TMEM18: variants seen among roughly 807,000 people sequenced by gnomAD.
The protein encoded by TMEM18 is transmembrane protein 18.
Under a neutral mutation model 17.4 loss-of-function variants are expected in TMEM18, and 14 were observed. The observed-to-expected ratio is 0.80, with a 90% CI of 0.53 to 1.25. The LOEUF (loss-of-function observed/expected upper bound fraction) is 1.25. Among genes scored for constraint, TMEM18 ranks in the 50% most tolerant of loss-of-function variants. The pLI, the probability that TMEM18 is intolerant of heterozygous loss-of-function variation, is 0.00. For synonymous variants in TMEM18, 86 were observed against 66.1 expected (o/e 1.30, Z -1.46); for missense variants, 187 against 172.1 (o/e 1.09, Z -0.48).
rs1210528726 is a variant in TMEM18 at position 669,873 on chromosome 2, A to G, written c.234-23T>C. On this transcript the variant is annotated intron_variant, in intron 3 of 4. Transcript: ENST00000281017. ...AATCTGTTTAAAAAACAAAAACAAA[A>G]AATTACTAGGCAATACAACCAAAAA... is the stretch of plus-strand genomic sequence containing the variant. 3 of 1,587,918 alleles carry G rather than the reference A, an allele frequency of 1.9e-6. No homozygotes were observed. The African/African-American group carries it at 4.1e-5, about 22-fold the overall frequency.
intron 1 of TMEM18, chr2:676,641 T>C: frequency 1.3e-6 from 2 of 1,549,920 alleles, no homozygotes; most frequent in Non-Finnish European, 1.7e-6. Flanking sequence ...AGTGCCCATG[T>C]CACCCCTTGG....
At position 665,402 on chromosome 2, in the gene TMEM18, C is replaced by T. The variant is rs1678657853; in HGVS notation, c.*4178G>A. On this transcript the variant is annotated 3_prime_UTR_variant, in exon 5 of 5. Coordinates refer to ENST00000281017, the MANE Select transcript of TMEM18 (RefSeq NM_152834.4). ...CCCAGAGATGCAGATGCCCCATTCACTCAGATAATCAACCCCACATACAAC... is the reference window on the plus strand; with the variant it reads ...CCCAGAGATGCAGATGCCCCATTCATTCAGATAATCAACCCCACATACAAC... Among the ~76,000 whole-genome samples the T allele has an allele frequency of 6.6e-6, 1 of 150,688 alleles. No homozygotes were observed. Among genetic ancestry groups the T allele is most frequent in the Admixed American group, 6.6e-5 (1 of 15,126 alleles).
chr2:666,036 C>T lies in TMEM18; in HGVS notation c.*3544G>A, dbSNP rs1271587081. On this transcript the variant is annotated 3_prime_UTR_variant, in exon 5 of 5. Transcript: ENST00000281017. The stretch of plus-strand genomic sequence containing the variant: ...AACCCCGAGATGCAGATGCTCAGCT[C>T]ACTGAGATGGAGCATCAACCCTACA... Among the ~76,000 whole-genome samples the T allele has an allele frequency of 6.6e-6, 1 of 152,100 alleles. No homozygotes were observed. Among genetic ancestry groups the T allele is most frequent in the Non-Finnish European group, 1.5e-5 (1 of 68,018 alleles).
rs1404243766 is a variant in TMEM18, at chr2:666,538, C to A, written c.*3042G>T. Among the ~76,000 whole-genome samples the A allele has an allele frequency of 2.0e-5, 3 of 152,178 alleles. No individual in the cohort carries two copies. Among genetic ancestry groups the A allele is most frequent in the East Asian group, 1.9e-4 (1 of 5,182 alleles). On this transcript the variant is annotated 3_prime_UTR_variant, in exon 5 of 5. Transcript: ENST00000281017. The stretch of plus-strand genomic sequence containing the variant: ...TGCTGTCAACTGTTCCAGCCCCACT[C>A]GGAACAAGCTGCCACCAACGCATGG...
At position 676,475 on chromosome 2, in the gene TMEM18, T is replaced by A. The variant is rs1164824340; in HGVS notation, c.57+814A>T. 36 of 1,186,388 alleles carry A rather than the reference T, an allele frequency of 3.0e-5. 7 individuals are homozygous for A. Among genetic ancestry groups the A allele is most frequent in the Non-Finnish European group, 3.9e-5 (35 of 895,006 alleles). 73.5% of individuals were successfully genotyped at this position (1,186,388 alleles called of 1,614,324 possible). A position where few individuals can be genotyped will look rare whatever the true frequency, so the allele number is the denominator to read the frequency against. ...GCAGCCCGGCACAGCCCTCCAGAAC[T>A]CCTGTGTCACTACTCTCTGCTGGGG... On this transcript the variant is annotated intron_variant, in intron 1 of 4. Coordinates refer to ENST00000281017, the MANE Select transcript of TMEM18 (RefSeq NM_152834.4).
At chr2:675,822 A>G (rs138308453) in intron 1 of TMEM18, 192 bp from the exon 2 acceptor site, 22 of 1,528,540 alleles carry the variant, frequency 1.4e-5, no homozygotes, top group Non-Finnish European at 1.8e-5. Flanking sequence ...AGAAGGAACC[A>G]GGAGGATGGA....
In TMEM18 at chr2:665,497, G is replaced by T. The variant is rs190918371; in HGVS notation, c.*4083C>A. Among the ~76,000 whole-genome samples, 6 of 149,396 alleles carry T rather than the reference G, an allele frequency of 4.0e-5. No individual in the cohort carries two copies. Among genetic ancestry groups the T allele is most frequent in the Non-Finnish European group, 8.9e-5 (6 of 67,672 alleles). ...AACTCCACATACAACAGGACCCAGA[G>T]ATGCAAACACCCCACTCACTCAGAC... On this transcript the variant is annotated 3_prime_UTR_variant, in exon 5 of 5. Coordinates refer to ENST00000281017, the MANE Select transcript of TMEM18 (RefSeq NM_152834.4).
chr2:677,233 C>T lies in TMEM18; in HGVS notation c.57+56G>A, dbSNP rs982225741. The T allele has an allele frequency of 5.1e-6, 8 of 1,571,322 alleles. No individual in the cohort carries two copies. In the African/African-American group the frequency reaches 1.1e-4, roughly 21 times the overall value. On this transcript the variant is annotated intron_variant, in intron 1 of 4. Coordinates refer to ENST00000281017, the MANE Select transcript of TMEM18 (RefSeq NM_152834.4). ...AGGCCGGGTGCTCTGTGGGGCCTAC[C>T]CTACGCCTCTCCGCCGTCCTCCCCC...
chr2:669,899 G>C, intron 3 of TMEM18, 49 bp from the exon 4 acceptor site: 1 of 1,424,140 alleles, frequency 7.0e-7, no homozygotes, highest in South Asian at 1.2e-5. Flanking sequence ...CAACCAAAAA[G>C]TTCTAGTGAC....
chr2:676,145 G>A, intron 1 of TMEM18: 2 of 1,328,710 alleles, frequency 1.5e-6, no homozygotes, highest in South Asian at 2.5e-5. Context: ...CCACGTGCAA[G>A]ACTTGATTTT....
chr2:677,390 G>A lies in TMEM18; in HGVS notation c.-45C>T. 1.2e-6 allele frequency: 2 copies of A among 1,601,268 alleles called. No individual in the cohort carries two copies. The highest frequency in any genetic ancestry group is 2.2e-5 in the East Asian group (1 of 44,512). ...TCACAGCAACCGCCGAACCCGGCCTGGCCAGAATCCACAGAGGAGGGCGCC... is the reference window on the plus strand; with the variant it reads ...TCACAGCAACCGCCGAACCCGGCCTAGCCAGAATCCACAGAGGAGGGCGCC... On this transcript the variant is annotated 5_prime_UTR_variant, in exon 1 of 5. Coordinates refer to ENST00000281017, the MANE Select transcript of TMEM18 (RefSeq NM_152834.4).
At chr2:677,111 A>G in intron 1 of TMEM18, 178 bp downstream of exon 1, 2 of 680,922 alleles carry the variant, frequency 2.9e-6, no homozygotes, top group South Asian at 1.9e-5. Context: ...CGCGCCCCCG[A>G]CGCCGGCCCC....
At chr2:672,735 T>G in intron 3 of TMEM18, 73 bp downstream of exon 3, 1 of 1,325,524 alleles carries the variant, frequency 7.5e-7, no homozygotes, top group South Asian at 1.9e-5. Context: ...CCTCCGCGAG[T>G]CCCACCGGCT....
intron 2 of TMEM18, among the ~76,000 whole-genome samples, chr2:675,244 C>T (rs1678967025): frequency 6.6e-6 from 1 of 152,216 alleles, no homozygotes. Context: ...TTCCGGAAAC[C>T]CAACTCTCCT....
At chr2:673,926 G>A (rs1016725657) in intron 2 of TMEM18, among the ~76,000 whole-genome samples, 3 of 152,014 alleles carry the variant, frequency 2.0e-5, no homozygotes, top group African/African-American at 7.2e-5. Context: ...TGGTAGGCAC[G>A]GGAGGAAGGC....
rs1678616456 is a variant in TMEM18, at chr2:664,242, GTTCTT to G, written c.*5333_*5337del. ...ACTTCACTGTTGTGAGGTTTTCACG[GTTCTT>G]CTCCGAGGGTCACTTGTCAGCTTGG... On this transcript the variant is annotated 3_prime_UTR_variant, in exon 5 of 5. Transcript: ENST00000281017. Among the ~76,000 whole-genome samples the G allele has an allele frequency of 6.6e-6, 1 of 152,210 alleles. No homozygotes were observed. Among genetic ancestry groups the G allele is most frequent in the South Asian group, 2.1e-4 (1 of 4,824 alleles).
At chr2:672,373 T>A (rs1475193849) in intron 3 of TMEM18, among the ~76,000 whole-genome samples, 2 of 151,962 alleles carry the variant, frequency 1.3e-5, no homozygotes, top group South Asian at 2.1e-4. Context: ...GACATCAGGA[T>A]GTGGGGCTGG....
At position 668,491 on chromosome 2, in the gene TMEM18, T is replaced by C. The variant is rs1678751467; in HGVS notation, c.*1089A>G. The C allele has an allele frequency of 6.6e-6, 1 of 152,246 alleles. No individual in the cohort carries two copies. The highest frequency in any genetic ancestry group is 2.1e-4 in the South Asian group (1 of 4,832). The allele number at this position is 152,246 out of a possible 1,614,324, so 9.4% of individuals were successfully genotyped here. On this transcript the variant is annotated 3_prime_UTR_variant, in exon 5 of 5. Coordinates refer to ENST00000281017, the MANE Select transcript of TMEM18 (RefSeq NM_152834.4). ...TGGTGAGCTCTGCACCTCAACATTC[T>C]CTTCCCAGGCTTGTCTAATCAAAGA...
At chr2:677,186 C>T (rs1659279878) in intron 1 of TMEM18, 103 bp downstream of exon 1, 3 of 1,422,322 alleles carry the variant, frequency 2.1e-6, no homozygotes, top group Non-Finnish European at 2.9e-6. Flanking sequence ...GCCCCGCCCA[C>T]GGCCGGGGCC....
Sources: allele counts gnomAD v4.1 joint callset (sites outside exome capture counted in the v4.1 genomes callset), GRCh38; gene constraint gnomAD v4.1.1; transcripts MANE v1.5; gene names NCBI Gene and HGNC (gene_info 2026-07-23, HGNC 2026-07-21).